DTNBP1: variants seen among roughly 807,000 people sequenced by gnomAD.
DTNBP1 encodes dystrobrevin binding protein 1.
DTNBP1 carries 35 observed loss-of-function variants against 42.8 expected under a neutral mutation model. That is an observed-to-expected ratio of 0.82 (90% confidence interval 0.63 to 1.09). DTNBP1 has a LOEUF of 1.09. Among genes scored for constraint, DTNBP1 ranks in the 50% least tolerant of loss-of-function variants. DTNBP1 has a pLI of 0.00. For missense variants in DTNBP1, 457 were observed against 424.2 expected (o/e 1.08, Z -0.68); for synonymous variants, 171 against 162.2 (o/e 1.05, Z -0.41).
At chr6:15,523,593 C>CA in intron 9 of DTNBP1, 4 of 1,278,432 alleles carry the variant, frequency 3.1e-6, no homozygotes, top group Non-Finnish European at 4.1e-6. Context: ...TGCAGTAATT[C>CA]AGAGACACCA....
At chr6:15,534,706 T>G (rs1773112629) in intron 7 of DTNBP1, among the ~76,000 whole-genome samples, 1 of 151,026 alleles carries the variant, frequency 6.6e-6, no homozygotes, top group Non-Finnish European at 1.5e-5. Context: ...AGTAAGTATG[T>G]AGCCATCATG....
chr6:15,617,677 G>A (rs996214835), intron 5 of DTNBP1, among the ~76,000 whole-genome samples: 2 of 152,028 alleles, frequency 1.3e-5, no homozygotes, highest in East Asian at 1.9e-4. Flanking sequence ...TCCATATGCA[G>A]AAGAATGAAA....
chr6:15,566,455 C>T (rs1049539320), intron 7 of DTNBP1, among the ~76,000 whole-genome samples: 1 of 152,106 alleles, frequency 6.6e-6, no homozygotes, highest in Non-Finnish European at 1.5e-5. Context: ...CCTCATCATA[C>T]CTTCTTCATT....
At chr6:15,536,850 C>T (rs1249141665) in intron 7 of DTNBP1, among the ~76,000 whole-genome samples, 1 of 152,166 alleles carries the variant, frequency 6.6e-6, no homozygotes, top group African/African-American at 2.4e-5. Context: ...AAGGAGCTGC[C>T]CAAGGCCATG....
rs1190181890 is a variant in DTNBP1 at position 15,522,836 on chromosome 6, GTTC to G, written c.*136_*138del. Reference sequence around the variant, plus strand: ...CCGTCCTCACACTTTATTGTTAGCTGTTCTTTAAGTTTCTCACACATTATTGGC... The same window carrying G: ...CCGTCCTCACACTTTATTGTTAGCTGTTTAAGTTTCTCACACATTATTGGC... On this transcript the variant is annotated 3_prime_UTR_variant, in exon 10 of 10. Coordinates refer to ENST00000344537, the MANE Select transcript of DTNBP1 (RefSeq NM_032122.5). 35 of 1,455,324 alleles carry G rather than the reference GTTC, an allele frequency of 2.4e-5. No homozygotes were observed. Among genetic ancestry groups the G allele is most frequent in the African/African-American group, 4.2e-5 (3 of 71,636 alleles). The allele number at this position is 1,455,324 out of a possible 1,614,324, so 90.2% of individuals were successfully genotyped here.
chr6:15,603,699 T>C (rs1226956701), intron 6 of DTNBP1, among the ~76,000 whole-genome samples: 1 of 152,222 alleles, frequency 6.6e-6, no homozygotes, highest in South Asian at 2.1e-4. Context: ...TGCTTTATGA[T>C]TTGCTAAGCA....
chr6:15,590,878 G>C (rs1160318982), intron 7 of DTNBP1, among the ~76,000 whole-genome samples: 1 of 151,966 alleles, frequency 6.6e-6, no homozygotes. Flanking sequence ...TTGGTATTTT[G>C]GTTCTCAAAA....
chr6:15,642,124 TC>T (rs1760399683), intron 3 of DTNBP1, among the ~76,000 whole-genome samples: 1 of 151,746 alleles, frequency 6.6e-6, no homozygotes, highest in African/African-American at 2.4e-5. Context: ...AGGGCCCAAC[TC>T]CCCTTCCCTA....
chr6:15,523,908 T>G, intron 9 of DTNBP1: 1 of 1,287,234 alleles, frequency 7.8e-7, no homozygotes, highest in Non-Finnish European at 1.0e-6. Context: ...ATGGCTGAGG[T>G]GCTGCTGGGA....
At chr6:15,641,301 T>C (rs981978743) in intron 3 of DTNBP1, among the ~76,000 whole-genome samples, 1 of 152,168 alleles carries the variant, frequency 6.6e-6, no homozygotes, top group African/African-American at 2.4e-5. Context: ...TCAAAGTTAC[T>C]GGTGAGTGGA....
At chr6:15,621,531 C>T (rs539898556) in intron 5 of DTNBP1, among the ~76,000 whole-genome samples, 160 of 152,324 alleles carry the variant, frequency 1.1e-3, no homozygotes, top group African/African-American at 3.6e-3. Context: ...GAGAAACAAA[C>T]TGTACATACT....
intron 3 of DTNBP1, among the ~76,000 whole-genome samples, chr6:15,639,766 A>T (rs1760231253): frequency 1.3e-5 from 2 of 152,262 alleles, no homozygotes; most frequent in Non-Finnish European, 2.9e-5. Flanking sequence ...CCTAACAAAC[A>T]AGAGACACAT....
intron 1 of DTNBP1, among the ~76,000 whole-genome samples, chr6:15,656,039 T>G (rs1016594815): frequency 2.0e-5 from 3 of 152,214 alleles, no homozygotes; most frequent in African/African-American, 7.2e-5. Context: ...CCATAAAGAT[T>G]TGCCATGAGA....
intron 5 of DTNBP1, among the ~76,000 whole-genome samples, chr6:15,626,034 A>G (rs1759320597): frequency 6.6e-6 from 1 of 152,200 alleles, no homozygotes; most frequent in Admixed American, 6.5e-5. Context: ...GGCAACAGCC[A>G]GGGGACTTGA....
chr6:15,588,376 A>G (rs2113609537), intron 7 of DTNBP1, among the ~76,000 whole-genome samples: 1 of 152,298 alleles, frequency 6.6e-6, no homozygotes, highest in African/African-American at 2.4e-5. Context: ...ACCCTTGGGA[A>G]TATCCTACTC....
intron 7 of DTNBP1, among the ~76,000 whole-genome samples, chr6:15,579,223 A>G (rs1240614071): frequency 6.6e-6 from 1 of 152,264 alleles, no homozygotes; most frequent in Non-Finnish European, 1.5e-5. Context: ...CATAAAAAAG[A>G]ACAAAATCCT....
intron 7 of DTNBP1, among the ~76,000 whole-genome samples, chr6:15,588,314 T>C (rs1166854478): frequency 3.3e-5 from 5 of 152,200 alleles, no homozygotes; most frequent in Non-Finnish European, 7.3e-5. Context: ...TCCTATATGA[T>C]TCCAGAAAAC....
chr6:15,615,411 T>C lies in DTNBP1; in HGVS notation c.356-12A>G, dbSNP rs762860024. ...CGCCTCTAAATGAGCTGAAAGTATA[T>C]AAAAATAAACAGACCTCAAAAGTCA... On this transcript the variant is annotated splice_polypyrimidine_tract_variant and intron_variant, in intron 5 of 9. Transcript: ENST00000344537. 4.3e-6 allele frequency: 7 copies of C among 1,613,584 alleles called. No homozygotes were observed. In the South Asian group the frequency reaches 4.4e-5, roughly 10 times the overall value.
At chr6:15,621,773 A>G (rs1418180604) in intron 5 of DTNBP1, among the ~76,000 whole-genome samples, 1 of 152,118 alleles carries the variant, frequency 6.6e-6, no homozygotes, top group Non-Finnish European at 1.5e-5. Context: ...CATATTCTAC[A>G]TTACAGCAAA....
Sources: gnomAD v4.1 joint callset for allele counts (sites outside exome capture counted in the v4.1 genomes callset) on GRCh38, gnomAD v4.1.1 for gene constraint, MANE v1.5 for transcripts, NCBI Gene and HGNC (gene_info 2026-07-23, HGNC 2026-07-21) for gene names.